The following OR2L13 variants were observed in gnomAD, a reference collection of about 807,000 sequenced individuals.
OR2L13 encodes the protein olfactory receptor 2L13.
In OR2L13, 14 loss-of-function variants were observed where a neutral mutation model predicts 15.3. The observed-to-expected ratio is 0.91, with a 90% confidence interval of 0.60 to 1.43. The LOEUF (loss-of-function observed/expected upper bound fraction) is 1.43, where lower values mean the gene tolerates loss of function less well. Ranked by LOEUF, OR2L13 falls within the 40% of genes most tolerant of loss-of-function variation. The pLI, the probability that OR2L13 is intolerant of heterozygous loss-of-function variation, is 0.00. For synonymous variants in OR2L13, 152 were observed against 142.9 expected (o/e 1.06, Z -0.45); for missense variants, 367 against 387.9 (o/e 0.95, Z 0.45).
At chr1:247,941,923 G>T in the OR2L13 span, among the ~76,000 whole-genome samples, 2 of 152,116 alleles carry the variant, frequency 1.3e-5, no homozygotes, top group Non-Finnish European at 2.9e-5. Context: ...ATTCCCATTT[G>T]GTCTCACAAG....
the OR2L13 span, among the ~76,000 whole-genome samples, chr1:247,964,877 T>A: frequency 6.7e-6 from 1 of 148,388 alleles, no homozygotes; most frequent in African/African-American, 2.5e-5. Context: ...TATATAGAAA[T>A]TACATATATT....
At chr1:247,943,407 T>A in the OR2L13 span, among the ~76,000 whole-genome samples, 1 of 152,082 alleles carries the variant, frequency 6.6e-6, no homozygotes, top group Non-Finnish European at 1.5e-5. Context: ...ACCACAAATG[T>A]ACTCCCTGAA....
At chr1:248,090,816 TG>T (rs1263340350), upstream of OR2L13, among the ~76,000 whole-genome samples, 1 of 152,198 alleles carries the variant, frequency 6.6e-6, no homozygotes, top group African/African-American at 2.4e-5. Context: ...TTGAGATGGG[TG>T]GCTTGAATGG....
chr1:247,950,747 G>A, the OR2L13 span, among the ~76,000 whole-genome samples: 2 of 152,114 alleles, frequency 1.3e-5, no homozygotes, highest in Non-Finnish European at 2.9e-5. Context: ...GTCACCAGAG[G>A]ATCGGAAGGG....
At chr1:248,056,262 T>C in the OR2L13 span, among the ~76,000 whole-genome samples, 894 of 152,292 alleles carry the variant, frequency 5.9e-3, 17 homozygotes, top group African/African-American at 0.021. Context: ...ATGTTGGTCT[T>C]GATAGTGGTC....
At chr1:248,066,590 C>T in the OR2L13 span, among the ~76,000 whole-genome samples, 1 of 152,158 alleles carries the variant, frequency 6.6e-6, no homozygotes, top group East Asian at 1.9e-4. Context: ...ACATTTGGGA[C>T]TTAATCTCAG....
the OR2L13 span, among the ~76,000 whole-genome samples, chr1:248,069,185 A>G: frequency 6.6e-6 from 1 of 152,136 alleles, no homozygotes; most frequent in Non-Finnish European, 1.5e-5. Flanking sequence ...GATTCACTAA[A>G]GTTGAAATGA....
the OR2L13 span, among the ~76,000 whole-genome samples, chr1:248,000,790 A>ACTGTTGC: frequency 1.3e-5 from 2 of 152,190 alleles, no homozygotes; most frequent in Non-Finnish European, 2.9e-5. Context: ...AAGTTAAAGT[A>ACTGTTGC]CATTAAAAAC....
chr1:247,992,378 G>A, the OR2L13 span, among the ~76,000 whole-genome samples: 1 of 152,172 alleles, frequency 6.6e-6, no homozygotes, highest in African/African-American at 2.4e-5. Context: ...GAAGTTATAT[G>A]CAGATATGTT....
chr1:247,965,636 C>G, the OR2L13 span: 11 of 1,551,750 alleles, frequency 7.1e-6, no homozygotes, highest in Admixed American at 2.2e-4. Context: ...AGCTTCCTCT[C>G]ACAGAGTAAG....
the OR2L13 span, among the ~76,000 whole-genome samples, chr1:247,986,610 C>T: frequency 9.9e-5 from 15 of 152,072 alleles, no homozygotes; most frequent in Non-Finnish European, 1.9e-4. Flanking sequence ...TTTTTGGTTC[C>T]ATATGAACTT....
chr1:247,990,614 C>G, the OR2L13 span: 7 of 1,547,470 alleles, frequency 4.5e-6, no homozygotes, highest in South Asian at 6.7e-5. Context: ...CTCCTGACAT[C>G]AATGGCCTAT....
chr1:247,985,679 C>T, the OR2L13 span, among the ~76,000 whole-genome samples: 5 of 152,140 alleles, frequency 3.3e-5, no homozygotes, highest in East Asian at 1.9e-4. Flanking sequence ...CCTGAGGAAT[C>T]GCCACACTGA....
chr1:248,016,100 T>G, the OR2L13 span, among the ~76,000 whole-genome samples: 55 of 152,344 alleles, frequency 3.6e-4, 1 homozygote, highest in Admixed American at 3.1e-3. Context: ...TATGAATATG[T>G]GAATTACTTA....
At chr1:247,991,118 T>C in the OR2L13 span, 7 of 1,606,194 alleles carry the variant, frequency 4.4e-6, no homozygotes, top group Admixed American at 1.7e-5. Context: ...ACTCCAATGC[T>C]CAACCCCATC....
At chr1:247,974,179 A>G in the OR2L13 span, among the ~76,000 whole-genome samples, 1 of 152,190 alleles carries the variant, frequency 6.6e-6, no homozygotes, top group Non-Finnish European at 1.5e-5. Context: ...TAACACAGGA[A>G]TAGAAAACTA....
the OR2L13 span, among the ~76,000 whole-genome samples, chr1:247,956,194 A>G: frequency 2.6e-5 from 4 of 151,988 alleles, no homozygotes; most frequent in Non-Finnish European, 5.9e-5. Flanking sequence ...CATTTATTAA[A>G]TAGGGAATCC....
the OR2L13 span, chr1:247,949,810 C>G: frequency 1.9e-6 from 3 of 1,588,688 alleles, no homozygotes; most frequent in South Asian, 1.1e-5. Flanking sequence ...CACTTTCTGC[C>G]TAAGGTCTCA....
the OR2L13 span, chr1:247,949,159 TC>T: frequency 2.5e-6 from 4 of 1,614,138 alleles, no homozygotes; most frequent in Non-Finnish European, 3.4e-6. Flanking sequence ...ATTCAGAGTT[TC>T]TTCTTCTTGG....
Sources: allele counts gnomAD v4.1 joint callset (sites outside exome capture counted in the v4.1 genomes callset), GRCh38; gene constraint gnomAD v4.1.1; transcripts MANE v1.5; gene names NCBI Gene and HGNC (gene_info 2026-07-23, HGNC 2026-07-21).